HECW1: variants seen among roughly 807,000 people sequenced by gnomAD.
The protein encoded by HECW1 is HECT, C2 and WW domain containing E3 ubiquitin protein ligase 1, also known as E3 ubiquitin-protein ligase HECW1.
In HECW1, 61 loss-of-function variants were observed where a neutral mutation model predicts 182.3. The observed-to-expected ratio is 0.33, with a 90% CI of 0.27 to 0.41. HECW1 has a LOEUF of 0.41. Among genes scored for constraint, HECW1 ranks in the 10% least tolerant of loss-of-function variants. The pLI is 1.00. For missense variants in HECW1, 1,739 were observed against 2,108.9 expected (o/e 0.82, Z 3.44); for synonymous variants, 859 against 832.6 (o/e 1.03, Z -0.55).
chr7:43,282,970 T>G (rs2017735), intron 3 of HECW1, among the ~76,000 whole-genome samples: 7,707 of 152,032 alleles, frequency 0.051, 246 homozygotes, highest in African/African-American at 0.086. Context: ...ATACATAAGT[T>G]AGCTGAGCGC....
chr7:43,206,148 A>G (rs1004935481), intron 2 of HECW1, among the ~76,000 whole-genome samples: 10 of 152,218 alleles, frequency 6.6e-5, no homozygotes, highest in African/African-American at 1.9e-4. Flanking sequence ...CAGAGGAAAC[A>G]CATGAACTAA....
chr7:43,551,168 G>A (rs968046911), intron 27 of HECW1, among the ~76,000 whole-genome samples: 1 of 152,148 alleles, frequency 6.6e-6, no homozygotes, highest in Non-Finnish European at 1.5e-5. Flanking sequence ...ATGGAGAAGT[G>A]CACTGGCCAT....
At chr7:43,238,635 G>A (rs577732699) in intron 2 of HECW1, among the ~76,000 whole-genome samples, 78 of 152,258 alleles carry the variant, frequency 5.1e-4, no homozygotes, top group Admixed American at 1.4e-3. Context: ...TTGTTTCGCC[G>A]TATGGATATG....
chr7:43,213,972 G>A (rs1796230333), intron 2 of HECW1, among the ~76,000 whole-genome samples: 1 of 151,844 alleles, frequency 6.6e-6, no homozygotes, highest in African/African-American at 2.4e-5. Flanking sequence ...CATTTCATCA[G>A]GATTTTGGAA....
At chr7:43,301,706 C>T (rs1806809962) in intron 3 of HECW1, among the ~76,000 whole-genome samples, 2 of 152,056 alleles carry the variant, frequency 1.3e-5, no homozygotes, top group Admixed American at 6.5e-5. Flanking sequence ...AACCCCTTCT[C>T]TACTAAAAAT....
intron 3 of HECW1, among the ~76,000 whole-genome samples, chr7:43,294,514 G>A (rs750405273): frequency 1.6e-4 from 25 of 152,164 alleles, no homozygotes; most frequent in Non-Finnish European, 3.1e-4. Context: ...AGCTCCTCCC[G>A]GTCTCACTGG....
chr7:43,349,908 C>CT lies in HECW1; in HGVS notation c.461-10975dup, dbSNP rs947192814. On this transcript the variant is annotated intron_variant, in intron 5 of 29. Transcript: ENST00000395891. ...CATCATGTTCTTTGTTGCCTGTGTA[C>CT]TTTGTTTTTGTTTTTATGCTTTTTA... 5.2e-4 allele frequency among the ~76,000 whole-genome samples: 79 copies of CT among 152,094 alleles called. 1 individual carries two copies. The highest frequency in any genetic ancestry group is 1.9e-3 in the African/African-American group (77 of 41,486).
At chr7:43,219,938 C>G (rs1437157000) in intron 2 of HECW1, among the ~76,000 whole-genome samples, 3 of 152,160 alleles carry the variant, frequency 2.0e-5, no homozygotes, top group Non-Finnish European at 1.5e-5. Flanking sequence ...TCAGCTGGGC[C>G]AGCCCTCCAG....
At chr7:43,293,813 C>T (rs968834122) in intron 3 of HECW1, among the ~76,000 whole-genome samples, 2 of 152,094 alleles carry the variant, frequency 1.3e-5, no homozygotes, top group Non-Finnish European at 1.5e-5. Context: ...CAGCCCATGG[C>T]CTGTTAAAAA....
At chr7:43,125,967 AC>A (rs1262061275) in intron 2 of HECW1, among the ~76,000 whole-genome samples, 1 of 149,234 alleles carries the variant, frequency 6.7e-6, no homozygotes, top group Non-Finnish European at 1.5e-5. Context: ...CATCCTGAAA[AC>A]CTCCAACTGC....
intron 14 of HECW1, among the ~76,000 whole-genome samples, chr7:43,465,468 T>G (rs1490169338): frequency 6.6e-6 from 1 of 152,240 alleles, no homozygotes; most frequent in Non-Finnish European, 1.5e-5. Flanking sequence ...GCAGCAGGCT[T>G]GCCCAAGCTC....
chr7:43,470,101 G>C (rs1198067867), intron 16 of HECW1, among the ~76,000 whole-genome samples: 1 of 152,232 alleles, frequency 6.6e-6, no homozygotes, highest in Non-Finnish European at 1.5e-5. Context: ...AATTAGGGGA[G>C]GGGAAAGGAC....
chr7:43,118,720 T>C (rs1785284123), intron 2 of HECW1: 1 of 152,128 alleles, frequency 6.6e-6, no homozygotes. Flanking sequence ...TTTTTGAAAT[T>C]GGAAAAAAAA....
At chr7:43,501,128 C>A in intron 20 of HECW1, 85 bp from the exon 21 acceptor site, 1 of 719,676 alleles carries the variant, frequency 1.4e-6, no homozygotes, top group South Asian at 1.8e-5. Context: ...GTAAGTGCTG[C>A]TACCCCAATT....
Position 43,453,408 on chromosome 7 carries a change from T to C in HECW1, c.2500+2479T>C, listed in dbSNP as rs540735302. Among the ~76,000 whole-genome samples the C allele has an allele frequency of 1.1e-4, 16 of 151,836 alleles. No homozygotes were observed. The East Asian group carries it at 1.9e-3, about 18-fold the overall frequency. ...AGAGTTTCAACCTACAAAGATGGAG[T>C]TGTCTTCAACTGAGTTGGGTAGGAA... is the stretch of plus-strand genomic sequence containing the variant. On this transcript the variant is annotated intron_variant, in intron 12 of 29. Transcript: ENST00000395891.
intron 3 of HECW1, among the ~76,000 whole-genome samples, chr7:43,285,840 A>G (rs1319465611): frequency 6.6e-6 from 1 of 152,226 alleles, no homozygotes. Context: ...TGGGCAAAAT[A>G]AATAAATGAC....
intron 6 of HECW1, among the ~76,000 whole-genome samples, chr7:43,384,808 C>T (rs1351887441): frequency 6.6e-6 from 1 of 152,138 alleles, no homozygotes; most frequent in African/African-American, 2.4e-5. Context: ...CAAAATGCAG[C>T]CCTTGTCTTC....
Position 43,562,600 on chromosome 7 carries a change from T to A in HECW1, c.*674T>A, listed in dbSNP as rs1042325989. 4.4e-6 allele frequency: 1 copy of A among 228,412 alleles called. No individual in the cohort carries two copies. The highest frequency in any genetic ancestry group is 2.2e-5 in the African/African-American group (1 of 45,190). The allele number at this position is 228,412 out of a possible 1,614,324, so 14.1% of individuals were successfully genotyped here. ...ACAACAGCAAGAAAACACCTGCTGC[T>A]GATGCAATGCAATGCATCCCAATGG... On this transcript the variant is annotated 3_prime_UTR_variant, in exon 30 of 30. Transcript: ENST00000395891.
At chr7:43,451,431 A>G (rs1433634794) in intron 12 of HECW1, among the ~76,000 whole-genome samples, 1 of 152,182 alleles carries the variant, frequency 6.6e-6, no homozygotes, top group East Asian at 1.9e-4. Context: ...TTTCTTCTGC[A>G]GTTCTTAGGG....
Sources: allele counts gnomAD v4.1 joint callset (sites outside exome capture counted in the v4.1 genomes callset), GRCh38; gene constraint gnomAD v4.1.1; transcripts MANE v1.5; gene names NCBI Gene and HGNC (gene_info 2026-07-23, HGNC 2026-07-21).